The following FER1L6 variants were observed in gnomAD, a reference collection of about 807,000 sequenced individuals.
FER1L6 encodes fer-1-like protein 6.
Under a neutral mutation model 219.2 loss-of-function variants are expected in FER1L6, and 177 were observed. That is an observed-to-expected ratio of 0.81 (90% CI 0.71 to 0.91). The LOEUF is 0.91. Ranked by LOEUF, FER1L6 falls within the 40% of genes least tolerant of loss-of-function variation. The probability of loss-of-function intolerance (pLI) is 0.00; values close to 1 mark genes in which losing one functional copy is unlikely to be tolerated. For missense variants in FER1L6, 2,153 were observed against 2,259.9 expected (o/e 0.95, Z 0.96); for synonymous variants, 768 against 824.3 (o/e 0.93, Z 1.17).
Position 124,035,423 on chromosome 8 carries a change from C to A in FER1L6, c.2433C>A (p.Thr811=), listed in dbSNP as rs191393210. Reference sequence around the variant, plus strand: ...AAATGTCCTCCAAAGGGGCTGGCACCAATCACCCCCCATCTAACCTGCTCT... The same window carrying A: ...AAATGTCCTCCAAAGGGGCTGGCACAAATCACCCCCCATCTAACCTGCTCT... The part of the protein sequence containing the change: ...EAEMSSKGAG[T]NHPPSNLLYQ... The change falls in exon 19 of 41, where the codon ACC becomes ACA. Residue 811 remains threonine, a synonymous_variant. Transcript: ENST00000522917. 22 of 1,613,484 alleles carry A rather than the reference C, an allele frequency of 1.4e-5. No individual in the cohort carries two copies. The Admixed American group carries it at 3.2e-4, about 23-fold the overall frequency.
At chr8:124,032,498 G>A (rs374670160) in intron 18 of FER1L6, among the ~76,000 whole-genome samples, 8 of 152,148 alleles carry the variant, frequency 5.3e-5, no homozygotes, top group South Asian at 2.1e-4. Context: ...GAGGCCAAAG[G>A]GGGGCAGATT....
chr8:123,963,936 G>A (rs1032495910), intron 3 of FER1L6, among the ~76,000 whole-genome samples: 1 of 152,196 alleles, frequency 6.6e-6, no homozygotes, highest in African/African-American at 2.4e-5. Context: ...CCAGATAGTT[G>A]CAGATGCATC....
chr8:124,049,321 C>T (rs1819889123), intron 21 of FER1L6, among the ~76,000 whole-genome samples: 1 of 152,152 alleles, frequency 6.6e-6, no homozygotes, highest in Non-Finnish European at 1.5e-5. Flanking sequence ...GCTGGGATTA[C>T]AGGCCTGAGC....
At chr8:124,115,749 C>T (rs1389674607) in intron 39 of FER1L6, among the ~76,000 whole-genome samples, 1 of 152,144 alleles carries the variant, frequency 6.6e-6, no homozygotes, top group Non-Finnish European at 1.5e-5. Context: ...GTATAGGGTA[C>T]ATGCTGTTAA....
intron 1 of FER1L6, among the ~76,000 whole-genome samples, chr8:123,904,224 TTG>T (rs56224402): frequency 0.025 from 3,510 of 139,402 alleles, 77 homozygotes; most frequent in African/African-American, 0.061. Flanking sequence ...CTCTGTATAT[TTG>T]TGTGTGTGTG....
chr8:123,896,238 C>A (rs1475281094), intron 1 of FER1L6, among the ~76,000 whole-genome samples: 2 of 152,160 alleles, frequency 1.3e-5, no homozygotes, highest in African/African-American at 4.8e-5. Context: ...TTCCAGATTC[C>A]AGTTTTAACA....
chr8:123,955,732 T>C (rs1814983716), intron 1 of FER1L6, among the ~76,000 whole-genome samples: 1 of 152,206 alleles, frequency 6.6e-6, no homozygotes, highest in African/African-American at 2.4e-5. Flanking sequence ...GTGTTGTTAG[T>C]ATTCAGTTTG....
chr8:123,913,642 T>G (rs898268907), intron 1 of FER1L6, among the ~76,000 whole-genome samples: 3 of 152,170 alleles, frequency 2.0e-5, no homozygotes, highest in Non-Finnish European at 2.9e-5. Flanking sequence ...CACATTGCAC[T>G]ATTGCATGAT....
chr8:123,934,608 A>G (rs1324144383), intron 1 of FER1L6, among the ~76,000 whole-genome samples: 1 of 151,828 alleles, frequency 6.6e-6, no homozygotes, highest in African/African-American at 2.4e-5. Context: ...TGTGCTATCA[A>G]TTGGCTCATT....
At chr8:123,904,065 A>ACAGGG (rs1308624221) in intron 1 of FER1L6, among the ~76,000 whole-genome samples, 3 of 152,156 alleles carry the variant, frequency 2.0e-5, no homozygotes, top group African/African-American at 7.2e-5. Context: ...CTTCAAGAAC[A>ACAGGG]CAGGGCAGTA....
chr8:123,897,367 A>AAGAGTCTGTTTAC (rs1401275219), intron 1 of FER1L6, among the ~76,000 whole-genome samples: 21 of 151,600 alleles, frequency 1.4e-4, no homozygotes, highest in Non-Finnish European at 4.4e-5. Context: ...TTCCCCTCAC[A>AAGAGTCTGTTTAC]AGAGTCTGTT....
intron 1 of FER1L6, among the ~76,000 whole-genome samples, chr8:123,923,356 G>A (rs536129366): frequency 6.6e-6 from 1 of 152,326 alleles, no homozygotes. Flanking sequence ...CATTGGCTTT[G>A]ATGCCCTTGC....
Position 124,076,224 on chromosome 8 carries a change from A to G in FER1L6, c.4119A>G (p.Pro1373=), listed in dbSNP as rs1821283099. 1 of 1,614,010 alleles carries G rather than the reference A, an allele frequency of 6.2e-7. No homozygotes were observed. Among genetic ancestry groups the G allele is most frequent in the African/African-American group, 1.3e-5 (1 of 74,944 alleles). ...VAAFNLSPAD[P]DGKSDPYIVI... is the part of the protein sequence containing the mutation. ...CATTTAATCTTAGTCCAGCTGATCC[A>G]GATGGCAAATCAGATCCCTACATTG... is the stretch of plus-strand genomic sequence containing the variant. The change falls in exon 32 of 41, where the codon CCA becomes CCG. Residue 1373 remains proline, a synonymous_variant. Coordinates refer to ENST00000522917, the MANE Select transcript of FER1L6 (RefSeq NM_001039112.2).
intron 1 of FER1L6, among the ~76,000 whole-genome samples, chr8:123,910,115 G>C (rs1364186225): frequency 6.6e-6 from 1 of 152,166 alleles, no homozygotes; most frequent in Non-Finnish European, 1.5e-5. Context: ...TCCTAGCTGA[G>C]ATTTCCATCC....
chr8:123,942,517 G>A (rs1314404993), intron 1 of FER1L6, among the ~76,000 whole-genome samples: 1 of 152,236 alleles, frequency 6.6e-6, no homozygotes, highest in Non-Finnish European at 1.5e-5. Flanking sequence ...CCAGAAGTCT[G>A]AAGTCAAAAA....
intron 12 of FER1L6, among the ~76,000 whole-genome samples, chr8:123,994,525 C>G (rs921926620): frequency 3.3e-5 from 5 of 152,178 alleles, no homozygotes; most frequent in African/African-American, 1.2e-4. Flanking sequence ...GGTATTCCAC[C>G]AGCAGCAGCT....
chr8:124,003,367 A>G lies in FER1L6; in HGVS notation c.1700+20A>G, dbSNP rs1817504743. ...GAACAGGTAGGAGACATAGCCTGGG[A>G]GAACAGTCAAGGATTTTGCTGGTGG... is the stretch of plus-strand genomic sequence containing the variant. On this transcript the variant is annotated intron_variant, in intron 13 of 40. Transcript: ENST00000522917. 1.3e-6 allele frequency: 2 copies of G among 1,563,148 alleles called. No individual in the cohort carries two copies. Among genetic ancestry groups the G allele is most frequent in the South Asian group, 1.1e-5 (1 of 88,118 alleles).
At chr8:123,959,360 C>T (rs533044229) in intron 2 of FER1L6, among the ~76,000 whole-genome samples, 7 of 152,302 alleles carry the variant, frequency 4.6e-5, no homozygotes, top group South Asian at 4.1e-4. Context: ...GCTTGAAACT[C>T]GACAGCAAGG....
chr8:123,961,389 A>C (rs1043365917), intron 2 of FER1L6, among the ~76,000 whole-genome samples: 1 of 152,226 alleles, frequency 6.6e-6, no homozygotes, highest in Non-Finnish European at 1.5e-5. Context: ...AAGCTCAGAG[A>C]ATAAATGATG....
Sources: gnomAD v4.1 joint callset for allele counts (sites outside exome capture counted in the v4.1 genomes callset) on GRCh38, gnomAD v4.1.1 for gene constraint, MANE v1.5 for transcripts, NCBI Gene and HGNC (gene_info 2026-07-23, HGNC 2026-07-21) for gene names.